GARIN2: variants seen among roughly 807,000 people sequenced by gnomAD.
The protein encoded by GARIN2 is golgi associated RAB2 interactor family member 2, also known as Golgi-associated RAB2 interactor protein 2.
the GARIN2 span, among the ~76,000 whole-genome samples, chr14:67,220,167 G>A: frequency 6.6e-6 from 1 of 152,178 alleles, no homozygotes; most frequent in African/African-American, 2.4e-5. Context: ...TGCGTGCAAC[G>A]GCTCATGCCT....
the GARIN2 span, among the ~76,000 whole-genome samples, chr14:67,218,538 C>T: frequency 6.6e-6 from 1 of 152,044 alleles, no homozygotes; most frequent in Non-Finnish European, 1.5e-5. Flanking sequence ...GCTTATGGGA[C>T]TGTTTCTCTG....
chr14:67,200,024 C>A, the GARIN2 span: 7 of 952,024 alleles, frequency 7.4e-6, no homozygotes, highest in Non-Finnish European at 1.1e-5. Flanking sequence ...TTAGGACATC[C>A]CCATTCTGGA....
the GARIN2 span, among the ~76,000 whole-genome samples, chr14:67,214,695 C>T: frequency 6.6e-6 from 1 of 151,932 alleles, no homozygotes; most frequent in South Asian, 2.1e-4. Context: ...TTTTCCAATT[C>T]TGTGAAGAAA....
At chr14:67,225,330 G>T in the GARIN2 span, 2 of 1,148,232 alleles carry the variant, frequency 1.7e-6, no homozygotes, top group East Asian at 6.0e-5. Flanking sequence ...ACACAAAAAA[G>T]TTGTTAATAA....
chr14:67,199,410 A>G, the GARIN2 span: 1 of 1,613,828 alleles, frequency 6.2e-7, no homozygotes, highest in Non-Finnish European at 8.5e-7. Flanking sequence ...AAGTTGCTTT[A>G]TGATACTTTC....
the GARIN2 span, among the ~76,000 whole-genome samples, chr14:67,218,128 T>C: frequency 6.6e-6 from 1 of 152,138 alleles, no homozygotes; most frequent in Non-Finnish European, 1.5e-5. Context: ...ACCAGGCTGT[T>C]TCTCAGGTCA....
chr14:67,209,749 C>T, the GARIN2 span, among the ~76,000 whole-genome samples: 1 of 146,578 alleles, frequency 6.8e-6, no homozygotes, highest in Non-Finnish European at 1.5e-5. Flanking sequence ...ACCCGGGAGA[C>T]TGAGGTTGCA....
chr14:67,225,445 C>CA, the GARIN2 span, among the ~76,000 whole-genome samples: 5 of 152,230 alleles, frequency 3.3e-5, no homozygotes, highest in African/African-American at 1.2e-4. Flanking sequence ...CATCATGGGT[C>CA]AAAAGATAAC....
chr14:67,224,107 G>A, the GARIN2 span: 8 of 693,638 alleles, frequency 1.2e-5, no homozygotes, highest in Non-Finnish European at 1.4e-5. Context: ...CCTCTCAGCA[G>A]TTTGCGAAAG....
the GARIN2 span, among the ~76,000 whole-genome samples, chr14:67,203,735 T>C: frequency 6.6e-6 from 1 of 152,236 alleles, no homozygotes; most frequent in Non-Finnish European, 1.5e-5. Flanking sequence ...GTTTTTGAGA[T>C]GGAGTCTTGC....
chr14:67,203,336 T>G, the GARIN2 span: 5 of 1,480,296 alleles, frequency 3.4e-6, no homozygotes, highest in South Asian at 6.4e-5. Flanking sequence ...TCAGAAGATG[T>G]GCATTAGCCC....
At chr14:67,190,049 C>T in the GARIN2 span, among the ~76,000 whole-genome samples, 5 of 144,430 alleles carry the variant, frequency 3.5e-5, no homozygotes, top group Middle Eastern at 3.5e-3. Flanking sequence ...TTATAGGCAT[C>T]GCCCATCATG....
chr14:67,221,793 A>C, the GARIN2 span: 1 of 1,613,430 alleles, frequency 6.2e-7, no homozygotes, highest in Non-Finnish European at 8.5e-7. Flanking sequence ...TTGAGAACTG[A>C]ATCAAACACT....
chr14:67,198,903 C>G, the GARIN2 span: 1 of 692,420 alleles, frequency 1.4e-6, no homozygotes, highest in East Asian at 2.7e-5. Context: ...TCTAAAGTTC[C>G]TAGAAATTCC....
At chr14:67,204,172 C>T in the GARIN2 span, among the ~76,000 whole-genome samples, 1 of 152,122 alleles carries the variant, frequency 6.6e-6, no homozygotes, top group Non-Finnish European at 1.5e-5. Flanking sequence ...CATGGTGGCT[C>T]ACACCTGTAA....
the GARIN2 span, chr14:67,208,247 A>G: frequency 6.2e-7 from 1 of 1,614,058 alleles, no homozygotes; most frequent in South Asian, 1.1e-5. Flanking sequence ...ACAAGATACA[A>G]AAAGTAAGAG....
chr14:67,194,349 G>A, the GARIN2 span, among the ~76,000 whole-genome samples: 6 of 149,998 alleles, frequency 4.0e-5, no homozygotes, highest in Non-Finnish European at 8.9e-5. Context: ...GGGTGACAGA[G>A]CAAGACCTGT....
At chr14:67,208,202 G>A in the GARIN2 span, 2 of 1,612,100 alleles carry the variant, frequency 1.2e-6, no homozygotes, top group East Asian at 4.5e-5. Flanking sequence ...ATTTTTAAAG[G>A]AAAAATTGAA....
At chr14:67,193,575 CTATA>C in the GARIN2 span, among the ~76,000 whole-genome samples, 1 of 139,046 alleles carries the variant, frequency 7.2e-6, no homozygotes, top group Admixed American at 7.2e-5. Flanking sequence ...CTATATAGAT[CTATA>C]TATAGATATA....
Sources: allele counts gnomAD v4.1 joint callset (sites outside exome capture counted in the v4.1 genomes callset), GRCh38; gene constraint gnomAD v4.1.1; transcripts MANE v1.5; gene names NCBI Gene and HGNC (gene_info 2026-07-23, HGNC 2026-07-21).